CACNA2D4: variants seen among roughly 807,000 people sequenced by gnomAD.
CACNA2D4 encodes the protein calcium voltage-gated channel auxiliary subunit alpha2delta 4.
CACNA2D4 carries 157 observed loss-of-function variants against 163.8 expected under a neutral mutation model. That is an observed-to-expected ratio of 0.96 (90% CI 0.84 to 1.09). CACNA2D4 has a LOEUF of 1.09. Ranked by LOEUF, CACNA2D4 falls within the 50% of genes least tolerant of loss-of-function variation. CACNA2D4 has a pLI of 0.00. For missense variants in CACNA2D4, 1,410 were observed against 1,479.9 expected, an observed-to-expected ratio of 0.95 and a Z score of 0.78; for synonymous variants, 598 against 586.9, an observed-to-expected ratio of 1.02 and a Z score of -0.27.
At position 1,834,466 on chromosome 12, in the gene CACNA2D4, G is replaced by T; in HGVS notation, c.2551+6273C>A. On this transcript the variant is annotated intron_variant, in intron 26 of 37. Transcript: ENST00000382722. The surrounding 1 kb of genome is among the most constrained non-coding windows in gnomAD (Gnocchi z 7.6). Reference sequence around the variant, plus strand: ...AGCCCAAGCCCGGGGCTGAGCCGGAGCCGGAGCCCAGCACAGCCTGCCCAC... The same window carrying T: ...AGCCCAAGCCCGGGGCTGAGCCGGATCCGGAGCCCAGCACAGCCTGCCCAC... The T allele has an allele frequency of 6.2e-7, 1 of 1,610,890 alleles. No individual in the cohort carries two copies.
In CACNA2D4 at chr12:1,876,080, T is replaced by C. The variant is rs80034432; in HGVS notation, c.1720-743A>G. ...CACACTGTCAGGTCCCTCTTCACAA[T>C]CGTAAGCTTGGGCACTGAGTATTTC... On this transcript the variant is annotated intron_variant, in intron 16 of 37. Transcript: ENST00000382722. 7.3e-3 allele frequency among the ~76,000 whole-genome samples: 1,115 copies of C among 152,322 alleles called. 11 individuals are homozygous for C. The highest frequency in any genetic ancestry group is 0.025 in the African/African-American group (1,050 of 41,566).
At chr12:1,896,024 G>A (rs1866392681) in intron 6 of CACNA2D4, among the ~76,000 whole-genome samples, 1 of 152,022 alleles carries the variant, frequency 6.6e-6, no homozygotes, top group African/African-American at 2.4e-5. Flanking sequence ...TGGGAAAATT[G>A]GATTTCCATA....
At chr12:1,910,815 G>C (rs1406549901) in intron 3 of CACNA2D4, among the ~76,000 whole-genome samples, 3 of 152,256 alleles carry the variant, frequency 2.0e-5, no homozygotes, top group Middle Eastern at 3.4e-3. Flanking sequence ...TCCATAGAGA[G>C]AAAGCAGAAT....
intron 6 of CACNA2D4, among the ~76,000 whole-genome samples, chr12:1,892,495 A>T (rs560021008): frequency 6.6e-6 from 1 of 152,306 alleles, no homozygotes; most frequent in South Asian, 2.1e-4. Context: ...GCAAACACAA[A>T]TAAGGAAGAG....
At chr12:1,909,990 GGGAGAA>G in intron 3 of CACNA2D4, 25 bp from the exon 4 acceptor site, 1 of 1,607,942 alleles carries the variant, frequency 6.2e-7, no homozygotes, top group South Asian at 1.1e-5. Context: ...CACAGAGGTA[GGGAGAA>G]TGGGTAAAAG....
In CACNA2D4 at chr12:1,795,758, G is replaced by A. The variant is rs1192073174; in HGVS notation, c.3136C>T (p.Pro1046Ser). The A allele has an allele frequency of 6.2e-7, 1 of 1,612,326 alleles. No individual in the cohort carries two copies. The highest frequency in any genetic ancestry group is 8.5e-7 in the Non-Finnish European group (1 of 1,178,384). Residue 1046 changes from proline (P) to serine (S), a missense_variant, in exon 36 of 38, where the codon CCC becomes TCC. Physicochemically the swap from Pro to Ser is moderately conservative, Grantham distance 74. Coordinates refer to ENST00000382722, the MANE Select transcript of CACNA2D4 (RefSeq NM_172364.5). ...ACCAGGAGGAGGAGGTTACTGTTGG[G>A]AATCTGCTGCACCACAAATACCCTG... Reference protein sequence around the residue: ...CQKVFVVQQIPNSNLLLLVTD... With the variant: ...CQKVFVVQQISNSNLLLLVTD...
chr12:1,824,387 T>G (rs11061988), intron 26 of CACNA2D4, among the ~76,000 whole-genome samples: 35,246 of 152,092 alleles, frequency 0.23, 6,320 homozygotes, highest in African/African-American at 0.49. Flanking sequence ...GTTGCAATGG[T>G]CTACACTCAA....
At chr12:1,895,393 G>GA (rs140057777) in intron 6 of CACNA2D4, among the ~76,000 whole-genome samples, 12 of 151,572 alleles carry the variant, frequency 7.9e-5, no homozygotes, top group African/African-American at 1.7e-4. Flanking sequence ...ATATGGAATG[G>GA]AAAAAAAAGT....
intron 4 of CACNA2D4, among the ~76,000 whole-genome samples, chr12:1,909,403 C>G (rs993195512): frequency 6.6e-6 from 1 of 152,208 alleles, no homozygotes; most frequent in Non-Finnish European, 1.5e-5. Context: ...ACCGTGTTAG[C>G]CAGGATGGTC....
chr12:1,863,133 C>T (rs370299532), intron 18 of CACNA2D4, among the ~76,000 whole-genome samples: 1 of 152,146 alleles, frequency 6.6e-6, no homozygotes, highest in South Asian at 2.1e-4. Flanking sequence ...CTCAATGTTT[C>T]CCCTCCCCCA....
chr12:1,816,619 CAA>C (rs781335783), intron 26 of CACNA2D4, among the ~76,000 whole-genome samples: 3 of 152,226 alleles, frequency 2.0e-5, no homozygotes, highest in Non-Finnish European at 4.4e-5. Context: ...GACAACCTAA[CAA>C]AGAGCCTCAA....
intron 35 of CACNA2D4, chr12:1,796,033 C>T (rs1863113866): frequency 1.9e-6 from 1 of 539,744 alleles, no homozygotes; most frequent in African/African-American, 1.9e-5. Context: ...CCAAACTGGG[C>T]CGCTTTGGAG....
rs1264158751 is a variant in CACNA2D4, at chr12:1,828,123, G to A, written c.2551+12616C>T. Reference sequence around the variant, plus strand: ...GGGCTCCTCTCTCCCCAGAGCGACAGGGCCCGGAGAGCCGTGGGCCTCACC... The same window carrying A: ...GGGCTCCTCTCTCCCCAGAGCGACAAGGCCCGGAGAGCCGTGGGCCTCACC... On this transcript the variant is annotated intron_variant, in intron 26 of 37. Coordinates refer to ENST00000382722, the MANE Select transcript of CACNA2D4 (RefSeq NM_172364.5). This position sits in a 1 kb window ranked among gnomAD's most constrained non-coding sequence, Gnocchi z 4.2. 3 of 1,513,722 alleles carry A rather than the reference G, an allele frequency of 2.0e-6. No individual in the cohort carries two copies. The highest frequency in any genetic ancestry group is 1.3e-5 in the South Asian group (1 of 79,764). The allele number at this position is 1,513,722 out of a possible 1,614,324, so 93.8% of individuals were successfully genotyped here. A position where few individuals can be genotyped will look rare whatever the true frequency, so the allele number is the denominator to read the frequency against.
intron 1 of CACNA2D4, among the ~76,000 whole-genome samples, chr12:1,916,913 T>C (rs940925475): frequency 1.3e-5 from 2 of 152,152 alleles, no homozygotes; most frequent in African/African-American, 4.8e-5. Flanking sequence ...ACCCAGGGCT[T>C]CTGCATAGAT....
chr12:1,915,134 A>C (rs529604264), intron 1 of CACNA2D4, 199 bp from the exon 2 acceptor site: 201 of 704,084 alleles, frequency 2.9e-4, no homozygotes, highest in Non-Finnish European at 3.8e-4. Context: ...CATACCCCCC[A>C]CACACATGCA....
rs189779523 is a variant in CACNA2D4, at chr12:1,905,817, C to T, written c.781+1623G>A. On this transcript the variant is annotated intron_variant, in intron 6 of 37. Coordinates refer to ENST00000382722, the MANE Select transcript of CACNA2D4 (RefSeq NM_172364.5). ...ATTGCAATCCCTATTACAATCACAA[C>T]GAGCAAGAGAAACTCATTCTAAAAT... Among the ~76,000 whole-genome samples, 223 of 152,160 alleles carry T rather than the reference C, an allele frequency of 1.5e-3. 2 individuals carry two copies. The highest frequency in any genetic ancestry group is 5.0e-3 in the African/African-American group (209 of 41,518).
chr12:1,794,434 G>A (rs750478156), intron 37 of CACNA2D4, among the ~76,000 whole-genome samples: 1 of 152,186 alleles, frequency 6.6e-6, no homozygotes, highest in Non-Finnish European at 1.5e-5. Flanking sequence ...TGACACTATT[G>A]AGAGTTAGCA....
At chr12:1,825,961 G>C (rs1592681328) in intron 26 of CACNA2D4, among the ~76,000 whole-genome samples, 1 of 152,200 alleles carries the variant, frequency 6.6e-6, no homozygotes, top group Non-Finnish European at 1.5e-5. Context: ...TGAAGGTCAG[G>C]GCTCGAGGGA....
chr12:1,914,361 C>G (rs1866907468), intron 2 of CACNA2D4, among the ~76,000 whole-genome samples: 1 of 152,176 alleles, frequency 6.6e-6, no homozygotes, highest in Non-Finnish European at 1.5e-5. Flanking sequence ...GCACAGAAAG[C>G]AATGCATATT....
Sources: gnomAD v4.1 joint callset for allele counts (sites outside exome capture counted in the v4.1 genomes callset) on GRCh38, gnomAD v4.1.1 for gene constraint, Gnocchi (gnomAD v3.1) non-coding constraint, MANE v1.5 for transcripts, NCBI Gene and HGNC (gene_info 2026-07-23, HGNC 2026-07-21) for gene names.